The following MAP7 variants were observed in gnomAD, a reference collection of about 807,000 sequenced individuals.
MAP7 encodes microtubule associated protein 7.
Under a neutral mutation model 94.8 loss-of-function variants are expected in MAP7, and 52 were observed. The ratio of observed to expected loss-of-function variants is 0.55; its 90% CI spans 0.44 to 0.69. The LOEUF is 0.69. Ranked by LOEUF, MAP7 falls within the 30% of genes least tolerant of loss-of-function variation. MAP7 has a pLI of 0.00. For missense variants in MAP7, 940 were observed against 964.6 expected (o/e 0.97, Z 0.34); for synonymous variants, 350 against 357.0 (o/e 0.98, Z 0.22).
At chr6:136,454,035 C>T (rs1167287588) in intron 1 of MAP7, among the ~76,000 whole-genome samples, 3 of 152,070 alleles carry the variant, frequency 2.0e-5, no homozygotes, top group African/African-American at 7.2e-5. Flanking sequence ...TGCCTCATCT[C>T]CATATTTACA....
intron 1 of MAP7, among the ~76,000 whole-genome samples, chr6:136,536,159 A>C (rs1274221586): frequency 6.6e-6 from 1 of 152,126 alleles, no homozygotes; most frequent in Non-Finnish European, 1.5e-5. Flanking sequence ...AAATATTCCT[A>C]ATGCATCAAT....
At chr6:136,413,311 T>C (rs1048873956) in intron 2 of MAP7, among the ~76,000 whole-genome samples, 1 of 152,052 alleles carries the variant, frequency 6.6e-6, no homozygotes, top group African/African-American at 2.4e-5. Flanking sequence ...TCACTTGAGG[T>C]CAGGAGTTCA....
At chr6:136,413,703 C>T (rs1043166570) in intron 2 of MAP7, among the ~76,000 whole-genome samples, 1 of 152,156 alleles carries the variant, frequency 6.6e-6, no homozygotes, top group African/African-American at 2.4e-5. Context: ...CCTTGACCTC[C>T]TGGGTTCAAG....
chr6:136,473,198 G>A (rs569567181), intron 1 of MAP7, among the ~76,000 whole-genome samples: 2 of 152,244 alleles, frequency 1.3e-5, no homozygotes, highest in East Asian at 3.9e-4. Context: ...AGAAGTGCTC[G>A]TCTTCTCTCT....
intron 1 of MAP7, among the ~76,000 whole-genome samples, chr6:136,422,452 G>T (rs1791683677): frequency 2.0e-5 from 3 of 152,020 alleles, no homozygotes; most frequent in Admixed American, 6.6e-5. Context: ...AGGAGTTCTG[G>T]TTACTTTAAC....
chr6:136,502,240 CTT>C (rs751396594), intron 1 of MAP7, among the ~76,000 whole-genome samples: 6 of 152,238 alleles, frequency 3.9e-5, no homozygotes, highest in Admixed American at 2.6e-4. Context: ...TGAAGAATCT[CTT>C]AGGAAGTGCT....
At chr6:136,526,418 C>G (rs1827890304) in intron 1 of MAP7, 1 of 988,350 alleles carries the variant, frequency 1.0e-6, no homozygotes, top group South Asian at 4.7e-5. Flanking sequence ...AATCTTCTTC[C>G]TGCTACCACA....
intron 5 of MAP7, among the ~76,000 whole-genome samples, chr6:136,387,701 A>C (rs1323819638): frequency 1.3e-5 from 2 of 152,108 alleles, no homozygotes; most frequent in African/African-American, 4.8e-5. Flanking sequence ...ATTCAACAAA[A>C]CCACCTGGAG....
chr6:136,525,812 A>G (rs1284222729), intron 1 of MAP7: 2 of 1,529,506 alleles, frequency 1.3e-6, no homozygotes, highest in Middle Eastern at 1.8e-4. Flanking sequence ...CTCCGACCAA[A>G]GGGTGGAGCT....
At chr6:136,384,919 A>G (rs1778787424) in intron 5 of MAP7, among the ~76,000 whole-genome samples, 1 of 152,216 alleles carries the variant, frequency 6.6e-6, no homozygotes, top group South Asian at 2.1e-4. Context: ...CTCAAATAAC[A>G]CTGCATGTAA....
intron 1 of MAP7, among the ~76,000 whole-genome samples, chr6:136,509,311 T>G (rs1010801598): frequency 6.6e-6 from 1 of 152,238 alleles, no homozygotes; most frequent in Non-Finnish European, 1.5e-5. Flanking sequence ...TTCCTCATTC[T>G]TCTCTTTCCT....
At chr6:136,366,562 A>G in intron 8 of MAP7, 123 bp from the exon 9 acceptor site, 3 of 671,612 alleles carry the variant, frequency 4.5e-6, no homozygotes, top group Non-Finnish European at 7.9e-6. Context: ...GCTATGTCAC[A>G]TATACCCATT....
intron 16 of MAP7, among the ~76,000 whole-genome samples, chr6:136,349,535 G>A (rs945462547): frequency 1.3e-5 from 2 of 151,948 alleles, no homozygotes; most frequent in Admixed American, 6.6e-5. Flanking sequence ...CACTGCCCTC[G>A]GCTGATCTTT....
At position 136,505,271 on chromosome 6, in the gene MAP7, GTGTGTGTATATATATA is replaced by G. The variant is rs1484378175; in HGVS notation, c.67+45055_67+45070del. On this transcript the variant is annotated intron_variant, in intron 1 of 17. Transcript: ENST00000354570. ...ATGTAATGTGTGTGTGTGTGTGTGT[GTGTGTGTATATATATA>G]TATATATATATATATATATATATAT... Among the ~76,000 whole-genome samples, 18 of 95,452 alleles carry G rather than the reference GTGTGTGTATATATATA, an allele frequency of 1.9e-4. 1 individual carries two copies. Among genetic ancestry groups the G allele is most frequent in the East Asian group, 4.7e-4 (1 of 2,142 alleles). 62.6% of individuals were successfully genotyped at this position (95,452 alleles called of 152,430 possible). A position where few individuals can be genotyped will look rare whatever the true frequency, so the allele number is the denominator to read the frequency against.
At chr6:136,509,184 A>G (rs1271596234) in intron 1 of MAP7, among the ~76,000 whole-genome samples, 2 of 152,210 alleles carry the variant, frequency 1.3e-5, no homozygotes, top group Non-Finnish European at 2.9e-5. Flanking sequence ...CACTAGCCAC[A>G]TGACTGCAAT....
chr6:136,411,816 T>C (rs1787571080), intron 2 of MAP7, 119 bp from the exon 3 acceptor site: 1 of 766,494 alleles, frequency 1.3e-6, no homozygotes, highest in Non-Finnish European at 2.1e-6. Flanking sequence ...TGCTGCACTT[T>C]ACAACAATAA....
At chr6:136,427,193 C>T (rs1310737613) in intron 1 of MAP7, among the ~76,000 whole-genome samples, 1 of 152,142 alleles carries the variant, frequency 6.6e-6, no homozygotes, top group African/African-American at 2.4e-5. Context: ...GGACAGCTCA[C>T]GCAGCACTAT....
At chr6:136,345,504 GATGGTCCAAAATT>G (rs1787426258) in intron 17 of MAP7, among the ~76,000 whole-genome samples, 2 of 152,184 alleles carry the variant, frequency 1.3e-5, no homozygotes, top group South Asian at 4.1e-4. Context: ...CACTAGGCCG[GATGGTCCAAAATT>G]ATGGGGAGAC....
chr6:136,382,023 T>A (rs1056130740), intron 6 of MAP7, among the ~76,000 whole-genome samples: 5 of 150,596 alleles, frequency 3.3e-5, no homozygotes, highest in African/African-American at 9.8e-5. Flanking sequence ...GGGTGAGGAG[T>A]CACCCTTCTG....
Sources: allele counts gnomAD v4.1 joint callset (sites outside exome capture counted in the v4.1 genomes callset), GRCh38; gene constraint gnomAD v4.1.1; transcripts MANE v1.5; gene names NCBI Gene and HGNC (gene_info 2026-07-23, HGNC 2026-07-21).